The following GRAMD4 variants were observed in gnomAD, a reference collection of about 807,000 sequenced individuals.
GRAMD4 encodes GRAM domain containing 4.
A neutral mutation model predicts 83.9 loss-of-function variants in GRAMD4; 25 were observed. That is an observed-to-expected ratio of 0.30 (90% CI 0.22 to 0.42). The LOEUF is 0.42. Among genes scored for constraint, GRAMD4 ranks in the 10% least tolerant of loss-of-function variants. The probability of loss-of-function intolerance (pLI) is 1.00; values close to 1 mark genes in which losing one functional copy is unlikely to be tolerated. For missense variants in GRAMD4, 593 were observed against 788.7 expected (o/e 0.75, Z 2.97); for synonymous variants, 336 against 320.9 (o/e 1.05, Z -0.50).
At chr22:46,607,394 G>C (rs1601549591) in intron 1 of GRAMD4, among the ~76,000 whole-genome samples, 1 of 152,170 alleles carries the variant, frequency 6.6e-6, no homozygotes, top group East Asian at 1.9e-4. Flanking sequence ...TGGGTTCTTA[G>C]TACCTGCCAG....
intron 1 of GRAMD4, chr22:46,587,985 T>C: frequency 1.0e-6 from 1 of 978,252 alleles, no homozygotes; most frequent in Non-Finnish European, 1.2e-6. Context: ...CAGGGCCTGG[T>C]CAGGAGGGGC....
chr22:46,670,892 T>G, intron 13 of GRAMD4, among the ~76,000 whole-genome samples: 1 of 150,368 alleles, frequency 6.7e-6, no homozygotes, highest in East Asian at 1.9e-4. Flanking sequence ...CGTGAGCCAC[T>G]GCGCCCGGCC....
In GRAMD4 at chr22:46,629,165, CGCTTGGG is replaced by C. The variant is rs1364400658; in HGVS notation, c.162+2207_162+2213del. Reference sequence around the variant, plus strand: ...TTCCTAGTGTGGGTGAGCAGGGCCCCGCTTGGGGCATCGTGCTGAATGCAGGTCAGGC... The same window carrying C: ...TTCCTAGTGTGGGTGAGCAGGGCCCCGCATCGTGCTGAATGCAGGTCAGGC... On this transcript the variant is annotated intron_variant, in intron 2 of 18. Transcript: ENST00000406902. Among the ~76,000 whole-genome samples, 4 of 152,084 alleles carry C rather than the reference CGCTTGGG, an allele frequency of 2.6e-5. No individual in the cohort carries two copies. The East Asian group carries it at 7.7e-4, about 29-fold the overall frequency.
At position 46,635,132 on chromosome 22, in the gene GRAMD4, A is replaced by G. The variant is rs1359001562; in HGVS notation, c.163-2708A>G. Among the ~76,000 whole-genome samples the G allele has an allele frequency of 5.5e-3, 572 of 103,428 alleles. 3 individuals carry two copies. The highest frequency in any genetic ancestry group is 0.014 in the African/African-American group (335 of 23,462). 67.9% of individuals were successfully genotyped at this position (103,428 alleles called of 152,430 possible). A position where few individuals can be genotyped will look rare whatever the true frequency, so the allele number is the denominator to read the frequency against. ...GCCCCCAGCCACTCCTGTCCTGGGG[A>G]ACCGTGTCCTCCCTGCCTCCACCCC... On this transcript the variant is annotated intron_variant, in intron 2 of 18. Coordinates refer to ENST00000406902, the MANE Select transcript of GRAMD4 (RefSeq NM_015124.5).
Position 46,620,943 on chromosome 22 carries a change from A to C in GRAMD4, c.-50+378A>C, listed in dbSNP as rs1397695267. 6.6e-6 allele frequency among the ~76,000 whole-genome samples: 1 copy of C among 151,904 alleles called. No individual in the cohort carries two copies. Among genetic ancestry groups the C allele is most frequent in the East Asian group, 1.9e-4 (1 of 5,170 alleles). ...ATCCGAGAGGGAGGAGGCCGATCTG[A>C]GAGGGCCGCATGGCTCGGAGTTGCA... On this transcript the variant is annotated intron_variant, in intron 1 of 18. Transcript: ENST00000406902. This position sits in a 1 kb window ranked among gnomAD's most constrained non-coding sequence, Gnocchi z 4.7.
chr22:46,615,268 T>C (rs1601562491), intron 1 of GRAMD4, among the ~76,000 whole-genome samples: 1 of 9,332 alleles, frequency 1.1e-4, no homozygotes, highest in Non-Finnish European at 2.3e-4. Flanking sequence ...TAGGTTCCCC[T>C]GTGCGTGTGG....
chr22:46,665,051 C>T (rs1288904740), intron 8 of GRAMD4, among the ~76,000 whole-genome samples: 1 of 152,250 alleles, frequency 6.6e-6, no homozygotes, highest in Non-Finnish European at 1.5e-5. Context: ...AAATGCTTTG[C>T]GACAGGAGGC....
chr22:46,620,476 T>C lies in GRAMD4; in HGVS notation c.-139T>C. Reference sequence around the variant, plus strand: ...TGGGCGGCTTGGAGGCTATGGTTCCTGGGTCCTCGTAGCACATCCTGGTTC... The same window carrying C: ...TGGGCGGCTTGGAGGCTATGGTTCCCGGGTCCTCGTAGCACATCCTGGTTC... On this transcript the variant is annotated 5_prime_UTR_variant, in exon 1 of 19. Transcript: ENST00000406902. The surrounding 1 kb of genome is among the most constrained non-coding windows in gnomAD (Gnocchi z 4.7). The C allele has an allele frequency of 1.0e-6, 1 of 984,744 alleles. No individual in the cohort carries two copies. The highest frequency in any genetic ancestry group is 1.2e-6 in the Non-Finnish European group (1 of 829,714). The allele number at this position is 984,744 out of a possible 1,614,324, so 61.0% of individuals were successfully genotyped here.
In GRAMD4 at chr22:46,626,857, G is replaced by T. The variant is rs142967893; in HGVS notation, c.58G>T (p.Asp20Tyr). The part of the protein sequence containing the change: ...FRGHKRDDFL[D>Y]LAESPNASDT... Reference sequence around the variant, plus strand: ...AGGTCACAAGAGAGATGACTTCCTCGATCTAGCGGAGTCTCCAAATGCCTC... The same window carrying T: ...AGGTCACAAGAGAGATGACTTCCTCTATCTAGCGGAGTCTCCAAATGCCTC... The change falls in exon 2 of 19, where the codon GAT (aspartate) becomes TAT (tyrosine). Residue 20 changes from aspartate (D) to tyrosine (Y), a missense_variant. Physicochemically the swap from Asp to Tyr is radical, Grantham distance 160 (BLOSUM62 -3). Transcript: ENST00000406902. The T allele has an allele frequency of 6.8e-6, 11 of 1,613,932 alleles. No homozygotes were observed. Among genetic ancestry groups the T allele is most frequent in the Middle Eastern group, 3.3e-4 (2 of 6,062 alleles).
intron 3 of GRAMD4, among the ~76,000 whole-genome samples, chr22:46,656,172 C>T (rs1008108964): frequency 4.6e-5 from 7 of 152,204 alleles, no homozygotes; most frequent in Admixed American, 1.3e-4. Flanking sequence ...CCGATCCCAG[C>T]GGGCCGGGGA....
At chr22:46,607,561 C>T (rs542905054) in intron 1 of GRAMD4, among the ~76,000 whole-genome samples, 22 of 152,238 alleles carry the variant, frequency 1.4e-4, no homozygotes, top group East Asian at 3.9e-4. Flanking sequence ...GGGATTCGCC[C>T]GATGCTCCCT....
intron 1 of GRAMD4, among the ~76,000 whole-genome samples, chr22:46,591,770 T>C (rs2081210134): frequency 7.0e-6 from 1 of 142,586 alleles, no homozygotes; most frequent in African/African-American, 2.7e-5. Context: ...GAGACGGAGG[T>C]TGCAGTGAGC....
In GRAMD4 at chr22:46,672,955, C is replaced by A. The variant is rs1298696506; in HGVS notation, c.1197C>A (p.Asp399Glu). 30 of 1,609,802 alleles carry A rather than the reference C, an allele frequency of 1.9e-5. No homozygotes were observed. The highest frequency in any genetic ancestry group is 2.3e-5 in the Non-Finnish European group (27 of 1,179,666). Residue 399 changes from aspartate to glutamate, a missense_variant, in exon 14 of 19, where the codon GAC becomes GAA. Around this residue, in one of 4 missense-constraint regions of GRAMD4, gnomAD observed 171 missense variants for 199.6 expected, o/e 0.86. Transcript: ENST00000406902. This position sits in a 1 kb window ranked among gnomAD's most constrained non-coding sequence, Gnocchi z 4.7. The part of the protein sequence containing the change: ...PYIIWRSLPT[D>E]PQLKERSSAA... ...TCATCTGGAGGAGTCTCCCCACCGA[C>A]CCGCAGCTCAAGGAGCGCTCCAGCG...
At chr22:46,632,066 G>A (rs1325375100) in intron 2 of GRAMD4, among the ~76,000 whole-genome samples, 1 of 152,260 alleles carries the variant, frequency 6.6e-6, no homozygotes, top group Non-Finnish European at 1.5e-5. Context: ...CTCCAGGTGT[G>A]CTCCGCTTCA....
chr22:46,640,428 A>G (rs1227983919), intron 3 of GRAMD4, among the ~76,000 whole-genome samples: 2 of 152,124 alleles, frequency 1.3e-5, no homozygotes, highest in African/African-American at 4.8e-5. Flanking sequence ...AAAGTTGCAA[A>G]ATGGAGACAG....
chr22:46,634,798 C>T (rs917581108), intron 2 of GRAMD4, among the ~76,000 whole-genome samples: 3 of 152,036 alleles, frequency 2.0e-5, no homozygotes, highest in Non-Finnish European at 2.9e-5. Context: ...AAAAAATTAG[C>T]CAGGTATGGT....
chr22:46,652,906 C>G (rs1468886426), intron 3 of GRAMD4, among the ~76,000 whole-genome samples: 2 of 152,188 alleles, frequency 1.3e-5, no homozygotes, highest in African/African-American at 2.4e-5. Flanking sequence ...CAGCTGTGCT[C>G]GGCACACTGC....
intron 17 of GRAMD4, among the ~76,000 whole-genome samples, chr22:46,676,198 A>C (rs2082595281): frequency 6.6e-6 from 1 of 152,196 alleles, no homozygotes; most frequent in East Asian, 1.9e-4. Context: ...GCGTGCAGTC[A>C]GGTGACCAGA....
chr22:46,655,015 T>TGG (rs1353881192), intron 3 of GRAMD4, among the ~76,000 whole-genome samples: 2 of 151,538 alleles, frequency 1.3e-5, no homozygotes, highest in Non-Finnish European at 2.9e-5. Context: ...CTACGCCAGA[T>TGG]GGGGGGGCTG....
Sources: allele counts gnomAD v4.1 joint callset (sites outside exome capture counted in the v4.1 genomes callset), GRCh38; gene constraint gnomAD v4.1.1; regional missense constraint gnomAD v4.1.1; non-coding constraint Gnocchi (gnomAD v3.1); transcripts MANE v1.5; gene names NCBI Gene and HGNC (gene_info 2026-07-23, HGNC 2026-07-21).